Variants in ARMH3 observed in about 807,000 individuals in gnomAD.
ARMH3 encodes armadillo like helical domain containing 3.
A neutral mutation model predicts 99.1 loss-of-function variants in ARMH3; 60 were observed. The ratio of observed to expected loss-of-function variants is 0.61; its 90% CI spans 0.49 to 0.75. The LOEUF is 0.75. Ranked by LOEUF, ARMH3 falls within the 30% of genes least tolerant of loss-of-function variation. ARMH3 has a pLI of 0.00. For synonymous variants in ARMH3, 285 were observed against 292.8 expected (o/e 0.97, Z 0.27); for missense variants, 679 against 843.1 (o/e 0.81, Z 2.41).
chr10:101,965,158 C>T (rs924433446), intron 20 of ARMH3, among the ~76,000 whole-genome samples: 7 of 152,056 alleles, frequency 4.6e-5, no homozygotes, highest in Non-Finnish European at 8.8e-5. Context: ...AACATAGTTA[C>T]AATGATAAAT....
intron 19 of ARMH3, among the ~76,000 whole-genome samples, chr10:101,976,589 A>T (rs1000822464): frequency 5.3e-5 from 8 of 152,102 alleles, no homozygotes; most frequent in Admixed American, 1.3e-4. Context: ...AAACTATTCT[A>T]CTCAAAGTGG....
chr10:102,030,490 C>G (rs2067102748), intron 4 of ARMH3, among the ~76,000 whole-genome samples: 1 of 152,038 alleles, frequency 6.6e-6, no homozygotes. Flanking sequence ...AAGTGGATCA[C>G]CTGAGGTCAG....
At chr10:101,951,953 A>G (rs1312190790) in intron 22 of ARMH3, among the ~76,000 whole-genome samples, 1 of 151,974 alleles carries the variant, frequency 6.6e-6, no homozygotes, top group Non-Finnish European at 1.5e-5. Context: ...GAGGAAGAAG[A>G]GGAATAAGAA....
chr10:101,975,591 C>T (rs887942098), intron 19 of ARMH3, among the ~76,000 whole-genome samples: 4 of 152,142 alleles, frequency 2.6e-5, no homozygotes, highest in Non-Finnish European at 4.4e-5. Context: ...AAAAGCCTGG[C>T]GTGGTGGTGC....
intron 17 of ARMH3, among the ~76,000 whole-genome samples, chr10:101,993,317 T>G (rs1846893132): frequency 6.6e-6 from 1 of 150,644 alleles, no homozygotes; most frequent in South Asian, 2.1e-4. Flanking sequence ...CCAGTATCAT[T>G]GCCACGCTTG....
intron 19 of ARMH3, among the ~76,000 whole-genome samples, chr10:101,979,652 A>T (rs2135945448): frequency 6.6e-6 from 1 of 152,216 alleles, no homozygotes; most frequent in African/African-American, 2.4e-5. Context: ...CTTAAAAAAA[A>T]CTCTGTGGCC....
intron 25 of ARMH3, among the ~76,000 whole-genome samples, chr10:101,848,626 G>A (rs1007041345): frequency 2.6e-5 from 4 of 152,114 alleles, no homozygotes; most frequent in Non-Finnish European, 5.9e-5. Context: ...CAAACAGCAG[G>A]AAACTTGAGC....
chr10:101,909,463 CTTTTTTTTT>C (rs61122631), intron 23 of ARMH3, among the ~76,000 whole-genome samples: 4 of 71,732 alleles, frequency 5.6e-5, no homozygotes, highest in African/African-American at 5.8e-5. Flanking sequence ...CAAGCTTCCT[CTTTTTTTTT>C]TTTTTTTTTT....
chr10:102,019,085 T>C (rs2066818149), intron 8 of ARMH3, among the ~76,000 whole-genome samples: 1 of 152,154 alleles, frequency 6.6e-6, no homozygotes, highest in Non-Finnish European at 1.5e-5. Flanking sequence ...ATTTTGCTCT[T>C]TCACTCAGGC....
At chr10:101,937,586 A>T (rs1844046235) in intron 23 of ARMH3, among the ~76,000 whole-genome samples, 1 of 152,090 alleles carries the variant, frequency 6.6e-6, no homozygotes, top group Non-Finnish European at 1.5e-5. Flanking sequence ...AGGAACAAAT[A>T]TGGGGCCTTC....
chr10:101,998,913 A>C (rs973808719), intron 15 of ARMH3, among the ~76,000 whole-genome samples: 4 of 152,210 alleles, frequency 2.6e-5, no homozygotes, highest in Non-Finnish European at 5.9e-5. Context: ...TTTGCTTCTA[A>C]AGTGGAAATG....
At chr10:101,903,927 C>T (rs2068038521) in intron 23 of ARMH3, among the ~76,000 whole-genome samples, 1 of 152,192 alleles carries the variant, frequency 6.6e-6, no homozygotes, top group Admixed American at 6.5e-5. Context: ...CTCTTCTCCC[C>T]TAAACTAACT....
chr10:101,862,070 A>G, intron 24 of ARMH3, among the ~76,000 whole-genome samples: 1 of 150,768 alleles, frequency 6.6e-6, no homozygotes, highest in Admixed American at 6.6e-5. Flanking sequence ...AAAAAAAAAA[A>G]AAAGATGTTC....
chr10:101,887,170 C>T (rs1372980080), intron 24 of ARMH3, among the ~76,000 whole-genome samples: 1 of 152,096 alleles, frequency 6.6e-6, no homozygotes, highest in Non-Finnish European at 1.5e-5. Context: ...TCATTTAGCA[C>T]CCTTCAAAAT....
At chr10:101,933,694 G>C (rs969600396) in intron 23 of ARMH3, among the ~76,000 whole-genome samples, 3 of 151,918 alleles carry the variant, frequency 2.0e-5, no homozygotes, top group African/African-American at 7.3e-5. Context: ...AGCAGGGTCT[G>C]ATTAACAGAA....
At chr10:102,024,430 G>A (rs1020151869) in intron 6 of ARMH3, among the ~76,000 whole-genome samples, 12 of 151,580 alleles carry the variant, frequency 7.9e-5, no homozygotes, top group Non-Finnish European at 1.5e-4. Context: ...CAGCCTAGGC[G>A]ACAGAGCAAG....
At chr10:102,004,882 CA>C (rs1445255279) in intron 14 of ARMH3, among the ~76,000 whole-genome samples, 1 of 151,066 alleles carries the variant, frequency 6.6e-6, no homozygotes, top group African/African-American at 2.4e-5. Flanking sequence ...CCAGCCTGGC[CA>C]ATACAGTGAA....
intron 20 of ARMH3, among the ~76,000 whole-genome samples, chr10:101,973,626 G>A (rs1845869920): frequency 6.6e-6 from 1 of 152,130 alleles, no homozygotes; most frequent in South Asian, 2.1e-4. Context: ...AATGGAACAG[G>A]ATAATGAGGA....
chr10:101,914,939 T>G (rs1418607356), intron 23 of ARMH3, among the ~76,000 whole-genome samples: 1 of 151,218 alleles, frequency 6.6e-6, no homozygotes, highest in Non-Finnish European at 1.5e-5. Flanking sequence ...CTATTAAAAC[T>G]TATTTTTACA....
Sources: allele counts gnomAD v4.1 joint callset (sites outside exome capture counted in the v4.1 genomes callset), GRCh38; gene constraint gnomAD v4.1.1; transcripts MANE v1.5; gene names NCBI Gene and HGNC (gene_info 2026-07-23, HGNC 2026-07-21).